FHIT: variants seen among roughly 807,000 people sequenced by gnomAD.
FHIT encodes the protein fragile histidine triad diadenosine triphosphatase.
In FHIT, 19 loss-of-function variants were observed where a neutral mutation model predicts 17.9. The ratio of observed to expected loss-of-function variants is 1.06; its 90% confidence interval spans 0.74 to 1.56. The LOEUF (loss-of-function observed/expected upper bound fraction) is 1.56, where lower values mean the gene tolerates loss of function less well. FHIT is among the 40% of genes most tolerant of loss of function. The probability of loss-of-function intolerance (pLI) is 0.00; values close to 1 mark genes in which losing one functional copy is unlikely to be tolerated. For synonymous variants in FHIT, 81 were observed against 69.7 expected (o/e 1.16, Z -0.81); for missense variants, 248 against 189.2 (o/e 1.31, Z -1.82).
chr3:61,193,028 G>T lies in FHIT; in HGVS notation c.-164+7589C>A, dbSNP rs569559878. Among the ~76,000 whole-genome samples the T allele has an allele frequency of 1.9e-4, 29 of 152,164 alleles. No homozygotes were observed. In the South Asian group the frequency reaches 3.9e-3, roughly 21 times the overall value. Reference sequence around the variant, plus strand: ...CTTTGTCTCCCAGACATATTCAAACGCAAAAGATGCTAAAAGACAACCACC... The same window carrying T: ...CTTTGTCTCCCAGACATATTCAAACTCAAAAGATGCTAAAAGACAACCACC... On this transcript the variant is annotated intron_variant, in intron 2 of 9. Transcript: ENST00000492590.
intron 5 of FHIT, among the ~76,000 whole-genome samples, chr3:60,450,101 G>A (rs1181592462): frequency 1.3e-5 from 2 of 150,426 alleles, no homozygotes; most frequent in Non-Finnish European, 3.0e-5. Context: ...ACTAGAAATT[G>A]TTCTGGGTGA....
chr3:60,596,540 A>G (rs914183580), intron 4 of FHIT, among the ~76,000 whole-genome samples: 1 of 152,168 alleles, frequency 6.6e-6, no homozygotes, highest in Non-Finnish European at 1.5e-5. Flanking sequence ...AAAACAGACA[A>G]GATTGAGGCT....
intron 5 of FHIT, among the ~76,000 whole-genome samples, chr3:60,323,574 A>G (rs968277527): frequency 6.6e-6 from 1 of 152,118 alleles, no homozygotes; most frequent in East Asian, 1.9e-4. Context: ...CCACAGGGAG[A>G]GGAGGAAATC....
intron 8 of FHIT, among the ~76,000 whole-genome samples, chr3:59,814,014 C>T (rs1021562585): frequency 2.7e-5 from 4 of 148,970 alleles, no homozygotes; most frequent in Admixed American, 6.8e-5. Context: ...CGGATTCATC[C>T]GACTGCCCTC....
chr3:60,164,048 C>G (rs1701051275), intron 5 of FHIT, among the ~76,000 whole-genome samples: 1 of 152,062 alleles, frequency 6.6e-6, no homozygotes, highest in African/African-American at 2.4e-5. Flanking sequence ...AAGCAGGATT[C>G]CAACAAAAAC....
At chr3:59,869,258 C>T (rs1335047014) in intron 8 of FHIT, among the ~76,000 whole-genome samples, 1 of 152,118 alleles carries the variant, frequency 6.6e-6, no homozygotes, top group African/African-American at 2.4e-5. Context: ...ACTAGTTTAG[C>T]TCTTTCTACC....
intron 8 of FHIT, among the ~76,000 whole-genome samples, chr3:59,766,055 A>G (rs748126069): frequency 6.6e-6 from 1 of 152,184 alleles, no homozygotes; most frequent in Non-Finnish European, 1.5e-5. Context: ...GTGAGCATAG[A>G]TTGAGGATGC....
At chr3:60,155,846 G>A (rs1054468394) in intron 5 of FHIT, among the ~76,000 whole-genome samples, 6 of 151,972 alleles carry the variant, frequency 3.9e-5, no homozygotes, top group East Asian at 1.9e-4. Flanking sequence ...CACCTCAACC[G>A]TCACCCAAGT....
At chr3:60,846,268 T>C (rs751252) in intron 3 of FHIT, among the ~76,000 whole-genome samples, 51,146 of 152,108 alleles carry the variant, frequency 0.34, 10,148 homozygotes, top group African/African-American at 0.55. Flanking sequence ...GTAAATGATA[T>C]CTGTCTCTAA....
chr3:60,651,553 C>CAATA (rs1208705657), intron 4 of FHIT, among the ~76,000 whole-genome samples: 2 of 147,396 alleles, frequency 1.4e-5, no homozygotes, highest in Admixed American at 1.3e-4. Context: ...TTTTTTTTTT[C>CAATA]AATAAATAAA....
intron 3 of FHIT, among the ~76,000 whole-genome samples, chr3:60,876,192 T>C (rs1346305407): frequency 6.6e-6 from 1 of 152,126 alleles, no homozygotes; most frequent in Non-Finnish European, 1.5e-5. Context: ...AAAAAATAGA[T>C]TGTATGGTCA....
intron 2 of FHIT, among the ~76,000 whole-genome samples, chr3:61,087,367 T>G (rs2035338046): frequency 6.6e-6 from 1 of 152,116 alleles, no homozygotes; most frequent in African/African-American, 2.4e-5. Flanking sequence ...TAAGAGTATA[T>G]AATCTTTCTC....
At chr3:61,044,913 T>A (rs2107701390) in intron 2 of FHIT, among the ~76,000 whole-genome samples, 1 of 152,218 alleles carries the variant, frequency 6.6e-6, no homozygotes, top group East Asian at 1.9e-4. Context: ...AATAAAATCC[T>A]TTACAGACAA....
intron 4 of FHIT, among the ~76,000 whole-genome samples, chr3:60,719,400 A>G (rs1327386048): frequency 1.3e-5 from 2 of 152,172 alleles, no homozygotes; most frequent in Non-Finnish European, 1.5e-5. Context: ...ATGACTGCCA[A>G]TCACCTACAG....
chr3:61,175,653 A>T (rs1412120519), intron 2 of FHIT, among the ~76,000 whole-genome samples: 2 of 152,048 alleles, frequency 1.3e-5, no homozygotes, highest in Non-Finnish European at 2.9e-5. Context: ...TAGCACCCTT[A>T]TAAAAGGGCT....
chr3:59,769,150 A>G (rs574639411), intron 8 of FHIT, among the ~76,000 whole-genome samples: 2 of 152,202 alleles, frequency 1.3e-5, no homozygotes, highest in African/African-American at 4.8e-5. Context: ...ATTAATGTCA[A>G]TTTCATAATT....
intron 4 of FHIT, among the ~76,000 whole-genome samples, chr3:60,652,548 A>G (rs530498447): frequency 1.3e-5 from 2 of 152,204 alleles, no homozygotes; most frequent in South Asian, 4.2e-4. Context: ...CCTGGCTAAT[A>G]TGGTGAAACC....
intron 2 of FHIT, among the ~76,000 whole-genome samples, chr3:61,199,035 C>A (rs1309020657): frequency 1.3e-5 from 2 of 152,064 alleles, no homozygotes; most frequent in African/African-American, 4.8e-5. Flanking sequence ...ATTCTCCACA[C>A]CTACATGAAG....
At chr3:59,988,888 G>C (rs561234875) in intron 7 of FHIT, among the ~76,000 whole-genome samples, 44 of 152,170 alleles carry the variant, frequency 2.9e-4, no homozygotes, top group Admixed American at 5.9e-4. Context: ...GTAAAGGACA[G>C]GTAGTATTTG....
Sources: gnomAD v4.1 joint callset for allele counts (sites outside exome capture counted in the v4.1 genomes callset) on GRCh38, gnomAD v4.1.1 for gene constraint, MANE v1.5 for transcripts, NCBI Gene and HGNC (gene_info 2026-07-23, HGNC 2026-07-21) for gene names.